Variants in DLGAP2 observed in about 807,000 individuals in gnomAD.
DLGAP2 encodes the protein DLG associated protein 2, also known as disks large-associated protein 2.
Under a neutral mutation model 100.3 loss-of-function variants are expected in DLGAP2, and 26 were observed. The observed-to-expected ratio is 0.26, with a 90% CI of 0.19 to 0.36. The LOEUF (loss-of-function observed/expected upper bound fraction) is 0.36. DLGAP2 is among the 10% of genes least tolerant of loss of function. The probability of loss-of-function intolerance (pLI) is 1.00; values close to 1 mark genes in which losing one functional copy is unlikely to be tolerated. For missense variants in DLGAP2, 1,858 were observed against 1,453.2 expected (o/e 1.28, Z -4.53); for synonymous variants, 886 against 630.1 (o/e 1.41, Z -6.08).
At chr8:744,830 C>G (rs988589687) in intron 1 of DLGAP2, among the ~76,000 whole-genome samples, 1 of 152,192 alleles carries the variant, frequency 6.6e-6, no homozygotes, top group African/African-American at 2.4e-5. Flanking sequence ...TCTCTCAAAC[C>G]TAGTTGGAAT....
At chr8:1,700,006 T>A (rs1005404471) in intron 14 of DLGAP2, among the ~76,000 whole-genome samples, 18 of 152,352 alleles carry the variant, frequency 1.2e-4, no homozygotes, top group South Asian at 8.3e-4. Flanking sequence ...GCTGAAGGTT[T>A]CAATGAACTG....
chr8:1,163,721 T>C (rs146149422), intron 2 of DLGAP2, among the ~76,000 whole-genome samples: 1 of 152,136 alleles, frequency 6.6e-6, no homozygotes, highest in East Asian at 1.9e-4. Context: ...TCGGTGGTAA[T>C]TGGTGTTGGT....
At chr8:1,008,674 G>C (rs1801190176) in intron 2 of DLGAP2, among the ~76,000 whole-genome samples, 2 of 152,216 alleles carry the variant, frequency 1.3e-5, no homozygotes. Flanking sequence ...GAGAACAGCT[G>C]TCCGCCTCTG....
At chr8:1,645,733 C>G (rs769453772) in intron 8 of DLGAP2, among the ~76,000 whole-genome samples, 4 of 152,038 alleles carry the variant, frequency 2.6e-5, no homozygotes, top group East Asian at 1.9e-4. Flanking sequence ...AATTTTCTTC[C>G]TTTGCTTCAT....
chr8:1,425,481 A>AAC (rs956310736), intron 3 of DLGAP2, among the ~76,000 whole-genome samples: 9 of 152,308 alleles, frequency 5.9e-5, no homozygotes, highest in Non-Finnish European at 1.3e-4. Flanking sequence ...GTCTGATGGG[A>AAC]ACACTGTGCT....
intron 1 of DLGAP2, among the ~76,000 whole-genome samples, chr8:786,041 G>A (rs186125259): frequency 1.8e-4 from 27 of 152,312 alleles, no homozygotes; most frequent in Non-Finnish European, 1.9e-4. Flanking sequence ...AGCTTCGTCA[G>A]GAATGCCCAG....
At chr8:1,118,779 A>T (rs571101018) in intron 2 of DLGAP2, among the ~76,000 whole-genome samples, 8 of 152,204 alleles carry the variant, frequency 5.3e-5, no homozygotes, top group Non-Finnish European at 8.8e-5. Context: ...AAATTAAATG[A>T]TGGAAAACGA....
chr8:1,312,520 G>A (rs74616976), intron 3 of DLGAP2, among the ~76,000 whole-genome samples: 174 of 152,232 alleles, frequency 1.1e-3, no homozygotes, highest in African/African-American at 4.0e-3. Flanking sequence ...CAGATTCAGG[G>A]TTTCTGGGGG....
At chr8:877,873 C>G (rs147448189) in intron 1 of DLGAP2, among the ~76,000 whole-genome samples, 14 of 152,360 alleles carry the variant, frequency 9.2e-5, no homozygotes, top group African/African-American at 3.1e-4. Flanking sequence ...TGTCCTGCTT[C>G]TCCAGCAGAA....
intron 12 of DLGAP2, among the ~76,000 whole-genome samples, chr8:1,685,158 G>C (rs1162801683): frequency 6.6e-6 from 1 of 151,266 alleles, no homozygotes; most frequent in Non-Finnish European, 1.5e-5. Context: ...ATGGGGAGAA[G>C]CACCCCGGCA....
intron 3 of DLGAP2, among the ~76,000 whole-genome samples, chr8:1,299,759 C>T (rs540717697): frequency 3.3e-5 from 5 of 152,236 alleles, no homozygotes; most frequent in Admixed American, 6.5e-5. Flanking sequence ...CTACAATCCC[C>T]CCTGGACTGC....
intron 6 of DLGAP2, among the ~76,000 whole-genome samples, chr8:1,622,702 C>G (rs915110275): frequency 1.3e-5 from 2 of 152,164 alleles, no homozygotes; most frequent in African/African-American, 4.8e-5. Flanking sequence ...CTGTGTTATT[C>G]TAGAAAACTT....
chr8:1,165,864 A>G (rs1797004815), intron 2 of DLGAP2, among the ~76,000 whole-genome samples: 1 of 152,140 alleles, frequency 6.6e-6, no homozygotes, highest in Non-Finnish European at 1.5e-5. Context: ...AAGGGAAAAA[A>G]AAAACATTCA....
intron 1 of DLGAP2, among the ~76,000 whole-genome samples, chr8:846,830 C>T (rs1454324217): frequency 6.6e-6 from 1 of 152,064 alleles, no homozygotes; most frequent in Non-Finnish European, 1.5e-5. Flanking sequence ...CACTGTAGTT[C>T]TGGTTTGCAT....
intron 2 of DLGAP2, among the ~76,000 whole-genome samples, chr8:1,070,493 C>G (rs549736455): frequency 3.2e-4 from 48 of 152,258 alleles, no homozygotes; most frequent in African/African-American, 1.1e-3. Flanking sequence ...GGTGAAAACA[C>G]GTGAAAGTCA....
intron 2 of DLGAP2, among the ~76,000 whole-genome samples, chr8:1,200,086 T>C (rs1402621908): frequency 6.6e-6 from 1 of 151,958 alleles, no homozygotes; most frequent in African/African-American, 2.4e-5. Context: ...GAAGCTGGGA[T>C]GGATGTAGGC....
In DLGAP2 at chr8:1,392,420, T is replaced by A. The variant is rs544595593; in HGVS notation, c.107-108946T>A. Reference sequence around the variant, plus strand: ...ACTCGGGGAAAACCTGTGGCCCCCGTCGGCCTGACTTGCTAATGGGAGGCA... The same window carrying A: ...ACTCGGGGAAAACCTGTGGCCCCCGACGGCCTGACTTGCTAATGGGAGGCA... On this transcript the variant is annotated intron_variant, in intron 3 of 14. Coordinates refer to ENST00000637795, the MANE Select transcript of DLGAP2 (RefSeq NM_001346810.2). Among the ~76,000 whole-genome samples, 59 of 152,284 alleles carry A rather than the reference T, an allele frequency of 3.9e-4. 1 individual carries two copies. The highest frequency in any genetic ancestry group is 1.4e-3 in the African/African-American group (59 of 41,572).
chr8:1,326,868 T>G (rs1269942895), intron 3 of DLGAP2, among the ~76,000 whole-genome samples: 1 of 152,204 alleles, frequency 6.6e-6, no homozygotes, highest in Non-Finnish European at 1.5e-5. Flanking sequence ...TATGTTGTTG[T>G]GGAAACATGT....
intron 3 of DLGAP2, among the ~76,000 whole-genome samples, chr8:1,314,690 C>T (rs373153666): frequency 6.6e-6 from 1 of 152,148 alleles, no homozygotes; most frequent in African/African-American, 2.4e-5. Flanking sequence ...CTGCTGGGGG[C>T]CCCTCTCCCA....
Sources: allele counts gnomAD v4.1 joint callset (sites outside exome capture counted in the v4.1 genomes callset), GRCh38; gene constraint gnomAD v4.1.1; transcripts MANE v1.5; gene names NCBI Gene and HGNC (gene_info 2026-07-23, HGNC 2026-07-21).